MYO3B: variants seen among roughly 807,000 people sequenced by gnomAD.
MYO3B encodes myosin IIIB, also known as myosin-IIIb.
Under a neutral mutation model 174.6 loss-of-function variants are expected in MYO3B, and 156 were observed. The observed-to-expected ratio is 0.89, with a 90% CI of 0.78 to 1.02. The LOEUF is 1.02. Ranked by LOEUF, MYO3B falls within the 50% of genes least tolerant of loss-of-function variation. The pLI is 0.00. For synonymous variants in MYO3B, 563 were observed against 569.1 expected (o/e 0.99, Z 0.15); for missense variants, 1,632 against 1,639.4 (o/e 1.00, Z 0.08).
At chr2:170,546,550 T>C (rs1232562757) in intron 32 of MYO3B, among the ~76,000 whole-genome samples, 1 of 152,240 alleles carries the variant, frequency 6.6e-6, no homozygotes, top group Non-Finnish European at 1.5e-5. Context: ...ATTGCTGTTT[T>C]GGGCAGGAGA....
At chr2:170,443,068 G>T (rs1329912194) in intron 22 of MYO3B, among the ~76,000 whole-genome samples, 4 of 152,188 alleles carry the variant, frequency 2.6e-5, no homozygotes. Context: ...GATCCCTGAG[G>T]AATCGCCACA....
intron 28 of MYO3B, among the ~76,000 whole-genome samples, chr2:170,511,441 A>G (rs1687985627): frequency 6.6e-6 from 1 of 152,194 alleles, no homozygotes; most frequent in African/African-American, 2.4e-5. Context: ...GAACTGTAGG[A>G]GCAGGAATGA....
intron 1 of MYO3B, among the ~76,000 whole-genome samples, chr2:170,191,661 A>G (rs752837899): frequency 2.0e-5 from 3 of 151,902 alleles, no homozygotes; most frequent in Non-Finnish European, 4.4e-5. Context: ...CCCTCCCGCA[A>G]GTGCACAGAT....
In MYO3B at chr2:170,274,698, T is replaced by C. The variant is rs115473281; in HGVS notation, c.749+38562T>C. Among the ~76,000 whole-genome samples the C allele has an allele frequency of 9.7e-3, 1,478 of 152,296 alleles. 10 individuals are homozygous for C. Among genetic ancestry groups the C allele is most frequent in the South Asian group, 0.03 (147 of 4,822 alleles). On this transcript the variant is annotated intron_variant, in intron 7 of 34. Transcript: ENST00000408978. ...GATTCTAGTGATAATTCCATGACTC[T>C]ATGTGCTTATCAAAATGCACAGAAC...
chr2:170,289,455 C>T (rs193230787), intron 7 of MYO3B, among the ~76,000 whole-genome samples: 206 of 152,012 alleles, frequency 1.4e-3, no homozygotes, highest in Middle Eastern at 3.4e-3. Context: ...TCTATGATTC[C>T]GGGAGTTTAT....
intron 23 of MYO3B, among the ~76,000 whole-genome samples, chr2:170,447,726 C>T (rs1417138557): frequency 6.6e-6 from 1 of 152,236 alleles, no homozygotes; most frequent in Non-Finnish European, 1.5e-5. Flanking sequence ...TCACACAATG[C>T]TGGCTGCGCA....
chr2:170,312,808 G>A (rs1386830596), intron 7 of MYO3B, among the ~76,000 whole-genome samples: 1 of 152,106 alleles, frequency 6.6e-6, no homozygotes, highest in Non-Finnish European at 1.5e-5. Context: ...GTACAATTTT[G>A]GGGGCATGTT....
chr2:170,645,193 G>A (rs1194009024), intron 32 of MYO3B, among the ~76,000 whole-genome samples: 10 of 151,970 alleles, frequency 6.6e-5, no homozygotes, highest in Non-Finnish European at 1.0e-4. Flanking sequence ...TATTCAGGCC[G>A]GGGGCAGTGG....
intron 8 of MYO3B, chr2:170,348,227 G>C (rs1351300799): frequency 6.7e-6 from 1 of 150,294 alleles, no homozygotes; most frequent in African/African-American, 2.4e-5. Context: ...ATAATATTGT[G>C]GTGTTGTTGT....
At chr2:170,407,354 G>A (rs560282108) in intron 21 of MYO3B, among the ~76,000 whole-genome samples, 6 of 152,164 alleles carry the variant, frequency 3.9e-5, no homozygotes, top group South Asian at 2.1e-4. Flanking sequence ...CCAGCTACTC[G>A]GGAGGCTGAG....
At chr2:170,551,350 T>TG (rs1690883827) in intron 32 of MYO3B, among the ~76,000 whole-genome samples, 1 of 98,194 alleles carries the variant, frequency 1.0e-5, no homozygotes, top group Non-Finnish European at 2.3e-5. Context: ...TTTAATTTAA[T>TG]TATTTATTTA....
At chr2:170,248,488 G>A (rs2093216377) in intron 7 of MYO3B, among the ~76,000 whole-genome samples, 1 of 152,178 alleles carries the variant, frequency 6.6e-6, no homozygotes, top group African/African-American at 2.4e-5. Flanking sequence ...AGTTCCGAAA[G>A]TCAGAAGTCT....
At position 170,273,284 on chromosome 2, in the gene MYO3B, C is replaced by T. The variant is rs370927471; in HGVS notation, c.749+37148C>T. Among the ~76,000 whole-genome samples, 67 of 152,202 alleles carry T rather than the reference C, an allele frequency of 4.4e-4. No homozygotes were observed. The South Asian group carries it at 8.3e-3, about 19-fold the overall frequency. On this transcript the variant is annotated intron_variant, in intron 7 of 34. Coordinates refer to ENST00000408978, the MANE Select transcript of MYO3B (RefSeq NM_138995.5). ...GATTTAGCCTGGAGCAACCCACCTG[C>T]ATTTCTGTCTTGGGAACTGGAGGCG...
chr2:170,324,115 A>T (rs2093848281), intron 7 of MYO3B, among the ~76,000 whole-genome samples: 1 of 152,164 alleles, frequency 6.6e-6, no homozygotes, highest in African/African-American at 2.4e-5. Flanking sequence ...GACAGGAAAG[A>T]GTCAGAAAGG....
chr2:170,261,804 T>C (rs1160047044), intron 7 of MYO3B, among the ~76,000 whole-genome samples: 1 of 152,208 alleles, frequency 6.6e-6, no homozygotes, highest in African/African-American at 2.4e-5. Context: ...GGTACAAATG[T>C]CTAAGAATGA....
chr2:170,546,411 A>G (rs1003703685), intron 32 of MYO3B, among the ~76,000 whole-genome samples: 3 of 152,264 alleles, frequency 2.0e-5, no homozygotes, highest in Non-Finnish European at 4.4e-5. Flanking sequence ...GTAAGCAATC[A>G]GAGAAAAGTT....
chr2:170,196,829 C>T (rs1164933690), intron 1 of MYO3B, among the ~76,000 whole-genome samples: 2 of 152,100 alleles, frequency 1.3e-5, no homozygotes, highest in Non-Finnish European at 2.9e-5. Flanking sequence ...ACTCAGCTGC[C>T]TTTGCAAAGC....
intron 32 of MYO3B, among the ~76,000 whole-genome samples, chr2:170,628,098 T>G (rs1212850804): frequency 6.6e-6 from 1 of 152,168 alleles, no homozygotes; most frequent in Non-Finnish European, 1.5e-5. Context: ...ATTTAAGTCT[T>G]CAGAGGTTTC....
chr2:170,398,676 AC>A (rs2094455588), intron 16 of MYO3B, among the ~76,000 whole-genome samples: 1 of 152,056 alleles, frequency 6.6e-6, no homozygotes, highest in African/African-American at 2.4e-5. Flanking sequence ...CATTCCTATC[AC>A]TCACTTTCAA....
Sources: allele counts gnomAD v4.1 joint callset (sites outside exome capture counted in the v4.1 genomes callset), GRCh38; gene constraint gnomAD v4.1.1; transcripts MANE v1.5; gene names NCBI Gene and HGNC (gene_info 2026-07-23, HGNC 2026-07-21).